SLC25A48: variants seen among roughly 807,000 people sequenced by gnomAD.
SLC25A48 encodes the protein solute carrier family 25 member 48.
In SLC25A48, 29 loss-of-function variants were observed where a neutral mutation model predicts 32.2. The ratio of observed to expected loss-of-function variants is 0.90; its 90% CI spans 0.67 to 1.23. The LOEUF is 1.23. SLC25A48 is among the 50% of genes most tolerant of loss of function. The pLI is 0.00. For missense variants in SLC25A48, 399 were observed against 422.7 expected (o/e 0.94, Z 0.49); for synonymous variants, 164 against 172.3 (o/e 0.95, Z 0.38).
intron 4 of SLC25A48, among the ~76,000 whole-genome samples, chr5:135,827,871 T>C (rs1758104406): frequency 6.6e-6 from 1 of 152,124 alleles, no homozygotes; most frequent in African/African-American, 2.4e-5. Context: ...GGAGCTGGCA[T>C]CTGTGGGCCC....
At chr5:135,585,594 A>T (rs1310610166) in intron 1 of SLC25A48, among the ~76,000 whole-genome samples, 1 of 152,184 alleles carries the variant, frequency 6.6e-6, no homozygotes, top group Non-Finnish European at 1.5e-5. Flanking sequence ...GGCCGGGCAC[A>T]CAGTAGGTGC....
intron 3 of SLC25A48, among the ~76,000 whole-genome samples, chr5:135,745,352 C>T (rs1272906119): frequency 6.6e-6 from 1 of 152,216 alleles, no homozygotes; most frequent in Non-Finnish European, 1.5e-5. Context: ...AGCGGTTTTC[C>T]ACCCAGGGTG....
At chr5:135,877,343 T>A (rs73791613) in intron 6 of SLC25A48, among the ~76,000 whole-genome samples, 2,117 of 152,010 alleles carry the variant, frequency 0.014, 46 homozygotes, top group African/African-American at 0.049. Flanking sequence ...GCTGTGGCAG[T>A]GAGATGAGGC....
intron 3 of SLC25A48, among the ~76,000 whole-genome samples, chr5:135,757,410 CACTA>C (rs1293020446): frequency 1.3e-5 from 2 of 149,066 alleles, no homozygotes; most frequent in Non-Finnish European, 3.0e-5. Context: ...ACTGTTAACA[CACTA>C]TGATATTGAT....
intron 3 of SLC25A48, among the ~76,000 whole-genome samples, chr5:135,778,911 C>A (rs983879964): frequency 8.3e-5 from 12 of 143,852 alleles, no homozygotes; most frequent in Non-Finnish European, 1.8e-4. Context: ...CCCAATATTG[C>A]AGGAGGTGTA....
intron 3 of SLC25A48, among the ~76,000 whole-genome samples, chr5:135,783,153 C>T (rs1428041225): frequency 8.4e-6 from 1 of 118,716 alleles, no homozygotes; most frequent in Admixed American, 8.5e-5. Context: ...GATATTACCC[C>T]CAATATCGCA....
intron 3 of SLC25A48, among the ~76,000 whole-genome samples, chr5:135,774,452 G>T (rs1402243498): frequency 6.6e-6 from 1 of 151,684 alleles, no homozygotes; most frequent in Non-Finnish European, 1.5e-5. Context: ...TTGTGATATT[G>T]TTCTTAATAT....
intron 4 of SLC25A48, among the ~76,000 whole-genome samples, chr5:135,818,866 T>A (rs1347320747): frequency 6.6e-6 from 1 of 151,714 alleles, no homozygotes; most frequent in Non-Finnish European, 1.5e-5. Flanking sequence ...AAGTTCTCAA[T>A]AGAGAAATAG....
At chr5:135,833,137 A>G (rs192071956), upstream of SLC25A48, among the ~76,000 whole-genome samples, 21 of 152,332 alleles carry the variant, frequency 1.4e-4, no homozygotes, top group East Asian at 3.7e-3. Context: ...TCCCTGGGTG[A>G]TGCGCCCCAT....
intron 5 of SLC25A48, 75 bp downstream of exon 5, chr5:135,871,793 C>A: frequency 6.3e-7 from 1 of 1,588,618 alleles, no homozygotes; most frequent in South Asian, 1.1e-5. Flanking sequence ...CTGCCATGCC[C>A]TTCTCAGCCC....
chr5:135,743,771 A>G (rs181717481), intron 3 of SLC25A48, among the ~76,000 whole-genome samples: 3 of 152,356 alleles, frequency 2.0e-5, no homozygotes, highest in African/African-American at 7.2e-5. Flanking sequence ...GGCCTCATGC[A>G]TCTCCATCGT....
At chr5:135,799,478 G>A (rs971774698) in intron 3 of SLC25A48, among the ~76,000 whole-genome samples, 4 of 151,314 alleles carry the variant, frequency 2.6e-5, no homozygotes, top group South Asian at 2.1e-4. Context: ...ATACGTTCTC[G>A]GTGATATTGT....
chr5:135,812,315 A>G (rs1757608629), intron 3 of SLC25A48, among the ~76,000 whole-genome samples: 1 of 151,958 alleles, frequency 6.6e-6, no homozygotes. Flanking sequence ...TGTTACAAAC[A>G]CTCCCATTTA....
intron 3 of SLC25A48, among the ~76,000 whole-genome samples, chr5:135,711,135 C>T (rs1754652788): frequency 6.6e-6 from 1 of 152,150 alleles, no homozygotes; most frequent in Admixed American, 6.5e-5. Context: ...GTTGCCTGAC[C>T]AGAAATATTC....
rs749574496 is a variant in SLC25A48 at position 135,852,610 on chromosome 5, C to T, written c.210C>T (p.Ala70=). The T allele has an allele frequency of 1.9e-6, 3 of 1,607,208 alleles. No individual in the cohort carries two copies. Among genetic ancestry groups the T allele is most frequent in the South Asian group, 2.2e-5 (2 of 90,950 alleles). ...KGMSFPLASI[A]VYNSVVFGVF... ...TGTCCTTCCCCCTCGCCAGCATTGC[C>T]GTCTACAACTCCGTGGTGTTTGGGG... The change falls in exon 4 of 8, where the codon GCC becomes GCT. Residue 70 remains alanine, a synonymous_variant. Coordinates refer to ENST00000681962, the MANE Select transcript of SLC25A48 (RefSeq NM_001349336.2).
chr5:135,631,112 C>T lies in SLC25A48; in HGVS notation c.-709+1736C>T, dbSNP rs530965929. Among the ~76,000 whole-genome samples the T allele has an allele frequency of 2.6e-5, 4 of 152,274 alleles. No homozygotes were observed. In the East Asian group the frequency reaches 5.8e-4, roughly 22 times the overall value. ...TCGAGTTAGATGCATGTACATTTTT[C>T]CTTTGGAGAAATAGACAGTTTTGTG... On this transcript the variant is annotated intron_variant, in intron 2 of 10. Coordinates refer to the SLC25A48 transcript ENST00000646290.
rs1309198013 is a variant in SLC25A48, at chr5:135,792,503, CCTCTG to C, written c.-520-20019_-520-20015del. On this transcript the variant is annotated intron_variant, in intron 3 of 10. Transcript: ENST00000646290. ...AGGGGGTTGTTAATCTTAATGTAAC[CCTCTG>C]GTTACATGTAATGTAACCATTATGT... is the stretch of plus-strand genomic sequence containing the variant. Among the ~76,000 whole-genome samples the C allele has an allele frequency of 1.3e-3, 198 of 149,220 alleles. 1 individual carries two copies. Among genetic ancestry groups the C allele is most frequent in the African/African-American group, 4.8e-3 (188 of 39,182 alleles).
intron 3 of SLC25A48, among the ~76,000 whole-genome samples, chr5:135,640,862 C>T (rs2126916413): frequency 6.6e-6 from 1 of 152,254 alleles, no homozygotes; most frequent in South Asian, 2.1e-4. Context: ...TGATAAAAGG[C>T]ATCTATGAAA....
At position 135,849,614 on chromosome 5, in the gene SLC25A48, G is replaced by T. The variant is rs376241279; in HGVS notation, c.91-811G>T. Among the ~76,000 whole-genome samples, 52 of 152,274 alleles carry T rather than the reference G, an allele frequency of 3.4e-4. 1 individual carries two copies. Among genetic ancestry groups the T allele is most frequent in the African/African-American group, 1.2e-3 (50 of 41,548 alleles). ...TGGGGATGGAAGGAAAGTAACACAG[G>T]TGGTCCTACCCTAGTTGGGTGGTCC... On this transcript the variant is annotated intron_variant, in intron 2 of 7. Coordinates refer to ENST00000681962, the MANE Select transcript of SLC25A48 (RefSeq NM_001349336.2).
Sources: gnomAD v4.1 joint callset for allele counts (sites outside exome capture counted in the v4.1 genomes callset) on GRCh38, gnomAD v4.1.1 for gene constraint, MANE v1.5 for transcripts, NCBI Gene and HGNC (gene_info 2026-07-23, HGNC 2026-07-21) for gene names.